NXN: variants seen among roughly 807,000 people sequenced by gnomAD.
NXN encodes the protein nucleoredoxin 1.
NXN carries 16 observed loss-of-function variants against 48.6 expected under a neutral mutation model. That is an observed-to-expected ratio of 0.33 (90% CI 0.22 to 0.50). NXN has a LOEUF of 0.50. Ranked by LOEUF, NXN falls within the 20% of genes least tolerant of loss-of-function variation. The pLI, the probability that NXN is intolerant of heterozygous loss-of-function variation, is 0.98. For synonymous variants in NXN, 281 were observed against 269.6 expected (o/e 1.04, Z -0.41); for missense variants, 492 against 605.5 (o/e 0.81, Z 1.97).
At position 853,723 on chromosome 17, in the gene NXN, A is replaced by ATATTT. The variant is rs1491528474; in HGVS notation, c.361-27646_361-27645insAAATA. Reference sequence around the variant, plus strand: ...TACACATATATATATATATATATATATTTTTTTTTTTTTTTCCAAGACGGA... The same window carrying ATATTT: ...TACACATATATATATATATATATATATATTTTTTTTTTTTTTTTTTCCAAGACGGA... On this transcript the variant is annotated intron_variant, in intron 1 of 7. Transcript: ENST00000336868. Among the ~76,000 whole-genome samples the ATATTT allele has an allele frequency of 1.1e-3, 121 of 105,966 alleles. 1 individual carries two copies. Among genetic ancestry groups the ATATTT allele is most frequent in the African/African-American group, 4.9e-3 (114 of 23,232 alleles). The allele number at this position is 105,966 out of a possible 152,430, so 69.5% of individuals were successfully genotyped here.
At chr17:939,552 G>C (rs1289908714) in intron 1 of NXN, among the ~76,000 whole-genome samples, 1 of 152,026 alleles carries the variant, frequency 6.6e-6, no homozygotes, top group Non-Finnish European at 1.5e-5. Flanking sequence ...CACCATGTTG[G>C]CCAGGCTGGT....
rs1288253272 is a variant in NXN, at chr17:825,623, G to C, written c.478+338C>G. On this transcript the variant is annotated intron_variant, in intron 2 of 7. Transcript: ENST00000336868. The surrounding 1 kb of genome is among the most constrained non-coding windows in gnomAD (Gnocchi z 4.1). ...CAGCCTGCCTCTAACTGTGAAGGGG[G>C]CAGCCGCCACGGATGCAGCACTAGA... 4.5e-6 allele frequency: 1 copy of C among 220,868 alleles called. No homozygotes were observed. Among genetic ancestry groups the C allele is most frequent in the Non-Finnish European group, 8.9e-6 (1 of 112,018 alleles). 13.7% of individuals were successfully genotyped at this position (220,868 alleles called of 1,614,324 possible).
At chr17:802,734 G>T (rs1006239810) in intron 7 of NXN, among the ~76,000 whole-genome samples, 4 of 152,194 alleles carry the variant, frequency 2.6e-5, no homozygotes, top group Admixed American at 2.0e-4. Context: ...GAGCCGCCTG[G>T]GAAGGACCCA....
intron 1 of NXN, among the ~76,000 whole-genome samples, chr17:841,950 A>G (rs1038713882): frequency 7.9e-5 from 12 of 152,160 alleles, no homozygotes; most frequent in African/African-American, 2.9e-4. Context: ...CAGCCTGGTC[A>G]ACATGGTGAA....
At chr17:841,433 G>C (rs55753912) in intron 1 of NXN, among the ~76,000 whole-genome samples, 19,939 of 49,914 alleles carry the variant, frequency 0.4, 2,305 homozygotes, top group African/African-American at 0.52. Context: ...ATCTCACACG[G>C]GCGAGCAGGT....
Position 819,445 on chromosome 17 carries a change from T to C in NXN, c.814A>G (p.Ile272Val). 2 of 1,613,990 alleles carry C rather than the reference T, an allele frequency of 1.2e-6. No homozygotes were observed. Among genetic ancestry groups the C allele is most frequent in the Non-Finnish European group, 1.7e-6 (2 of 1,179,882 alleles). Residue 272 changes from isoleucine to valine, a missense_variant, in exon 5 of 8, where the codon ATC becomes GTC. By Grantham distance (29) the Ile-to-Val change is conservative. Transcript: ENST00000336868. ...RRSRLNRLYG[I>V]QGIPTLIMLD... Reference sequence around the variant, plus strand: ...CGGGGCCTGGAGCGCCTACCTTGGATTCCGTACAGCCGGTTGAGGCGCGAC... The same window carrying C: ...CGGGGCCTGGAGCGCCTACCTTGGACTCCGTACAGCCGGTTGAGGCGCGAC...
At chr17:883,236 T>A (rs1400392093) in intron 1 of NXN, among the ~76,000 whole-genome samples, 1 of 152,100 alleles carries the variant, frequency 6.6e-6, no homozygotes, top group Non-Finnish European at 1.5e-5. Context: ...AGCGACGGTG[T>A]CAATCAGGCC....
chr17:934,470 A>C (rs1165637080), intron 1 of NXN, among the ~76,000 whole-genome samples: 1 of 151,620 alleles, frequency 6.6e-6, no homozygotes, highest in East Asian at 1.9e-4. Context: ...AAAGTACAAT[A>C]AGAAGAAAAC....
chr17:972,256 G>C (rs1281704311), intron 1 of NXN, among the ~76,000 whole-genome samples: 1 of 150,898 alleles, frequency 6.6e-6, no homozygotes, highest in Non-Finnish European at 1.5e-5. Flanking sequence ...GAGCTGAGAT[G>C]GTGTCATTGC....
intron 1 of NXN, among the ~76,000 whole-genome samples, chr17:877,482 A>G (rs2068229530): frequency 1.3e-5 from 2 of 152,202 alleles, no homozygotes; most frequent in South Asian, 4.1e-4. Flanking sequence ...TTTACCAGCC[A>G]CTACTGGATT....
chr17:900,758 T>G (rs767260968), intron 1 of NXN, among the ~76,000 whole-genome samples: 1 of 152,148 alleles, frequency 6.6e-6, no homozygotes, highest in African/African-American at 2.4e-5. Flanking sequence ...GTACCTTTTT[T>G]TCTCTTCATG....
chr17:957,104 G>A (rs1441697166), intron 1 of NXN, among the ~76,000 whole-genome samples: 1 of 151,790 alleles, frequency 6.6e-6, no homozygotes, highest in Admixed American at 6.6e-5. Context: ...CAGAAAACAT[G>A]TGACCAGCAG....
intron 1 of NXN, among the ~76,000 whole-genome samples, chr17:950,694 CTCACAT>C (rs1336877308): frequency 6.6e-6 from 1 of 152,138 alleles, no homozygotes; most frequent in East Asian, 1.9e-4. Flanking sequence ...TTCAAAATAA[CTCACAT>C]TCCACTATAA....
At chr17:816,633 C>T (rs572344696) in intron 5 of NXN, among the ~76,000 whole-genome samples, 30 of 152,192 alleles carry the variant, frequency 2.0e-4, no homozygotes, top group African/African-American at 6.5e-4. Context: ...TCCATCTGCA[C>T]GATTAGGGTG....
intron 5 of NXN, among the ~76,000 whole-genome samples, chr17:816,909 G>A (rs1474714673): frequency 2.0e-5 from 3 of 152,140 alleles, no homozygotes; most frequent in Admixed American, 1.3e-4. Flanking sequence ...CTACCCCCAG[G>A]CACGGGCACC....
Position 870,816 on chromosome 17 carries a change from T to C in NXN, c.361-44738A>G. 1.3e-5 allele frequency among the ~76,000 whole-genome samples: 2 copies of C among 151,946 alleles called. 1 individual carries two copies. The highest frequency in any genetic ancestry group is 3.9e-4 in the East Asian group (2 of 5,182). On this transcript the variant is annotated intron_variant, in intron 1 of 7. Transcript: ENST00000336868. The stretch of plus-strand genomic sequence containing the variant: ...AGTCTTTCTTTCTGAGCAAATGGTT[T>C]GGAATCTCTCACACTTCTGGTGCTA...
chr17:904,689 G>A (rs774958103), intron 1 of NXN, among the ~76,000 whole-genome samples: 13 of 152,210 alleles, frequency 8.5e-5, no homozygotes, highest in East Asian at 3.9e-4. Flanking sequence ...GATTACAGGC[G>A]CATGCAATCA....
intron 5 of NXN, among the ~76,000 whole-genome samples, chr17:812,611 T>A (rs1170654472): frequency 6.9e-6 from 1 of 144,516 alleles, no homozygotes; most frequent in Non-Finnish European, 1.5e-5. Context: ...GTGTGCATTG[T>A]GTGAGTGTAG....
At chr17:841,565 T>C (rs1424059193) in intron 1 of NXN, among the ~76,000 whole-genome samples, 13 of 13,982 alleles carry the variant, frequency 9.3e-4, no homozygotes, top group Non-Finnish European at 1.2e-3. Context: ...AGGTCCCCCC[T>C]GACCACGGAG....
Sources: gnomAD v4.1 joint callset for allele counts (sites outside exome capture counted in the v4.1 genomes callset) on GRCh38, gnomAD v4.1.1 for gene constraint, Gnocchi (gnomAD v3.1) non-coding constraint, MANE v1.5 for transcripts, NCBI Gene and HGNC (gene_info 2026-07-23, HGNC 2026-07-21) for gene names.